Variants in ADCK2 observed in about 807,000 individuals in gnomAD.
The protein encoded by ADCK2 is aarF domain containing kinase 2.
Under a neutral mutation model 52.3 loss-of-function variants are expected in ADCK2, and 37 were observed. The observed-to-expected ratio is 0.71, with a 90% CI of 0.54 to 0.93. The LOEUF (loss-of-function observed/expected upper bound fraction) is 0.93, where lower values mean the gene tolerates loss of function less well. Ranked by LOEUF, ADCK2 falls within the 40% of genes least tolerant of loss-of-function variation. The pLI is 0.00. For missense variants in ADCK2, 695 were observed against 798.7 expected (o/e 0.87, Z 1.56); for synonymous variants, 321 against 349.2 (o/e 0.92, Z 0.90).
At chr7:140,685,871 C>T (rs1250203855) in intron 4 of ADCK2, among the ~76,000 whole-genome samples, 1 of 152,116 alleles carries the variant, frequency 6.6e-6, no homozygotes, top group Non-Finnish European at 1.5e-5. Flanking sequence ...GAAGCTGATT[C>T]CTGTTCCACA....
rs1008835211 is a variant in ADCK2, at chr7:140,694,999, G to A, written c.*196G>A. ...GCTTTGGGCCAATTAGGGAGTAAAA[G>A]GAGGGAAGGGGCCTATCCATTCCAT... is the stretch of plus-strand genomic sequence containing the variant. On this transcript the variant is annotated 3_prime_UTR_variant, in exon 8 of 8. Coordinates refer to ENST00000072869, the MANE Select transcript of ADCK2 (RefSeq NM_052853.4). 1 of 1,338,918 alleles carries A rather than the reference G, an allele frequency of 7.5e-7. No individual in the cohort carries two copies. The highest frequency in any genetic ancestry group is 9.5e-7 in the Non-Finnish European group (1 of 1,047,618). The allele number at this position is 1,338,918 out of a possible 1,614,324, so 82.9% of individuals were successfully genotyped here. A position where few individuals can be genotyped will look rare whatever the true frequency, so the allele number is the denominator to read the frequency against.
chr7:140,679,000 C>T lies in ADCK2; in HGVS notation c.1081-155C>T, dbSNP rs1279043695. 3.3e-5 allele frequency among the ~76,000 whole-genome samples: 5 copies of T among 152,132 alleles called. No homozygotes were observed. The highest frequency in any genetic ancestry group is 6.5e-5 in the Admixed American group (1 of 15,282). On this transcript the variant is annotated intron_variant, in intron 2 of 7. Coordinates refer to ENST00000072869, the MANE Select transcript of ADCK2 (RefSeq NM_052853.4). The surrounding 1 kb of genome is among the most constrained non-coding windows in gnomAD (Gnocchi z 4.9). ...GATTGCTGGGGCAGGCTGTAGCCCA[C>T]GGATGTCGCCTCCTGAGTTTCTGGG...
At chr7:140,694,547 A>G (rs1794762593) in intron 7 of ADCK2, 116 bp from the exon 8 acceptor site, 2 of 979,824 alleles carry the variant, frequency 2.0e-6, no homozygotes, top group East Asian at 2.5e-5. Context: ...GTAGATGGTA[A>G]ACATCCCGTG....
chr7:140,687,205 T>A lies in ADCK2; in HGVS notation c.1521T>A (p.Asn507Lys), dbSNP rs1228691411. The A allele has an allele frequency of 6.3e-7, 1 of 1,581,682 alleles. No homozygotes were observed. The highest frequency in any genetic ancestry group is 8.6e-7 in the Non-Finnish European group (1 of 1,162,312). Residue 507 changes from asparagine to lysine, a missense_variant, in exon 5 of 8, where the codon AAT (asparagine) becomes AAA (lysine). Transcript: ENST00000072869. ...AGCTGCAGGCCCCTGACCTGAGGAA[T>A]TTCCGGGCAGTTTTCATGGCTGTGG... The part of the protein sequence containing the change: ...VAELQAPDLR[N>K]FRAVFMAVVM...
Position 140,673,987 on chromosome 7 carries a change from C to T in ADCK2, c.657C>T (p.Ala219=). The change falls in exon 1 of 8, where the codon GCC becomes GCT. Residue 219 remains alanine, a synonymous_variant. Transcript: ENST00000072869. The surrounding 1 kb of genome is among the most constrained non-coding windows in gnomAD (Gnocchi z 6.4). ...TGGCCCAGGTGTACAAAGCATACGC[C>T]AACACTGCCTTCCTGGAGACTGACA... is the stretch of plus-strand genomic sequence containing the variant. The part of the protein sequence containing the change: ...GCVAQVYKAY[A]NTAFLETDSV... 1 of 1,614,070 alleles carries T rather than the reference C, an allele frequency of 6.2e-7. No homozygotes were observed. Among genetic ancestry groups the T allele is most frequent in the Middle Eastern group, 1.6e-4 (1 of 6,062 alleles).
intron 4 of ADCK2, among the ~76,000 whole-genome samples, 180 bp downstream of exon 4, chr7:140,681,317 CTTTTA>C (rs1212706991): frequency 2.0e-5 from 3 of 150,954 alleles, no homozygotes; most frequent in Non-Finnish European, 4.4e-5. Context: ...CTGTGAAGCT[CTTTTA>C]TTTTTTTTTT....
chr7:140,675,607 A>C (rs1210062062), intron 2 of ADCK2, among the ~76,000 whole-genome samples: 1 of 152,174 alleles, frequency 6.6e-6, no homozygotes, highest in Non-Finnish European at 1.5e-5. Flanking sequence ...GGCAAACATC[A>C]CTTCTTTCCT....
intron 2 of ADCK2, among the ~76,000 whole-genome samples, chr7:140,677,774 CT>C (rs1351761702): frequency 1.3e-5 from 2 of 152,164 alleles, no homozygotes; most frequent in African/African-American, 4.8e-5. Flanking sequence ...CAGAGGAGGA[CT>C]TGGTTGGTGT....
At chr7:140,676,258 C>T (rs573335967) in intron 2 of ADCK2, among the ~76,000 whole-genome samples, 25 of 152,226 alleles carry the variant, frequency 1.6e-4, no homozygotes, top group African/African-American at 5.8e-4. Context: ...TGTGTAAAGG[C>T]GCTGATTCAT....
At position 140,674,375 on chromosome 7, in the gene ADCK2, G is replaced by T; in HGVS notation, c.933+112G>T. On this transcript the variant is annotated intron_variant, in intron 1 of 7. Coordinates refer to ENST00000072869, the MANE Select transcript of ADCK2 (RefSeq NM_052853.4). This position sits in a 1 kb window ranked among gnomAD's most constrained non-coding sequence, Gnocchi z 4.6. ...ATTTCTATTTGCCTGACCAATATCT[G>T]AGTGCTTATTTCATGCAAGCTGTTT... The T allele has an allele frequency of 8.1e-7, 1 of 1,240,750 alleles. No individual in the cohort carries two copies. 76.9% of individuals were successfully genotyped at this position (1,240,750 alleles called of 1,614,324 possible).
chr7:140,687,944 CT>C (rs1483553657), intron 5 of ADCK2, among the ~76,000 whole-genome samples: 1 of 151,230 alleles, frequency 6.6e-6, no homozygotes, highest in African/African-American at 2.4e-5. Flanking sequence ...CGCAGGCTGC[CT>C]TGGCCTCAAG....
At position 140,673,204 on chromosome 7, in the gene ADCK2, C is replaced by T. The variant is rs1801660231; in HGVS notation, c.-127C>T. On this transcript the variant is annotated 5_prime_UTR_variant, in exon 1 of 8. Transcript: ENST00000072869. The surrounding 1 kb of genome is among the most constrained non-coding windows in gnomAD (Gnocchi z 6.4). ...GCGAGGTGCTGGAGGGAGCGGGGCGCGGATCCGGCCCAGATGGGCAGCTCC... is the reference window on the plus strand; with the variant it reads ...GCGAGGTGCTGGAGGGAGCGGGGCGTGGATCCGGCCCAGATGGGCAGCTCC... The T allele has an allele frequency of 1.5e-5, 11 of 737,116 alleles. No individual in the cohort carries two copies. Among genetic ancestry groups the T allele is most frequent in the South Asian group, 4.1e-5 (1 of 24,260 alleles). The allele number at this position is 737,116 out of a possible 1,614,324, so 45.7% of individuals were successfully genotyped here.
Position 140,674,338 on chromosome 7 carries a change from G to A in ADCK2, c.933+75G>A, listed in dbSNP as rs878898460. 7.0e-7 allele frequency: 1 copy of A among 1,436,112 alleles called. No individual in the cohort carries two copies. The highest frequency in any genetic ancestry group is 1.4e-5 in the South Asian group (1 of 73,784). 89.0% of individuals were successfully genotyped at this position (1,436,112 alleles called of 1,614,324 possible). A position where few individuals can be genotyped will look rare whatever the true frequency, so the allele number is the denominator to read the frequency against. On this transcript the variant is annotated intron_variant, in intron 1 of 7. Coordinates refer to ENST00000072869, the MANE Select transcript of ADCK2 (RefSeq NM_052853.4). The surrounding 1 kb of genome is among the most constrained non-coding windows in gnomAD (Gnocchi z 4.6). ...ATCAGAAACAACCGCCATGCAAATC[G>A]CCCCCACGTTTATTTCTATTTGCCT...
Position 140,673,828 on chromosome 7 carries a change from A to C in ADCK2, c.498A>C (p.Gln166His). ...TGTTTTCGGAGGCTTTCTGTGCCCA[A>C]TTTTCCAAGCTGCATGTCCGAGTGA... ...RDLFSEAFCAQFSKLHVRVTP... is the reference protein window; with the variant it reads ...RDLFSEAFCAHFSKLHVRVTP... The change falls in exon 1 of 8, where the codon CAA (glutamine) becomes CAC (histidine). Residue 166 changes from glutamine to histidine, a missense_variant. By Grantham distance (24) the Gln-to-His change is conservative. Coordinates refer to ENST00000072869, the MANE Select transcript of ADCK2 (RefSeq NM_052853.4). The surrounding 1 kb of genome is among the most constrained non-coding windows in gnomAD (Gnocchi z 6.4). 1 of 1,613,094 alleles carries C rather than the reference A, an allele frequency of 6.2e-7. No individual in the cohort carries two copies. The highest frequency in any genetic ancestry group is 8.5e-7 in the Non-Finnish European group (1 of 1,179,934).
At chr7:140,675,055 C>G (rs1016806354) in intron 2 of ADCK2, among the ~76,000 whole-genome samples, 1 of 152,046 alleles carries the variant, frequency 6.6e-6, no homozygotes, top group Admixed American at 6.6e-5. Flanking sequence ...TCAGCCTGGC[C>G]AACATGGTGT....
chr7:140,682,713 G>C (rs1794535844), intron 4 of ADCK2, among the ~76,000 whole-genome samples: 1 of 151,770 alleles, frequency 6.6e-6, no homozygotes, highest in South Asian at 2.1e-4. Context: ...GTTTTGGCTG[G>C]GTGCAGTGGC....
At chr7:140,681,263 T>G (rs1353058947) in intron 4 of ADCK2, 126 bp downstream of exon 4, 1 of 826,888 alleles carries the variant, frequency 1.2e-6, no homozygotes, top group Non-Finnish European at 2.0e-6. Flanking sequence ...GTTGAGAAAG[T>G]CTGGTCTAGA....
intron 2 of ADCK2, among the ~76,000 whole-genome samples, chr7:140,675,329 A>G (rs766236149): frequency 6.6e-6 from 1 of 152,222 alleles, no homozygotes; most frequent in Non-Finnish European, 1.5e-5. Context: ...TTAAAAACAG[A>G]GACAGGGTCT....
chr7:140,681,605 C>T (rs1206498816), intron 4 of ADCK2, among the ~76,000 whole-genome samples: 1 of 151,912 alleles, frequency 6.6e-6, no homozygotes, highest in Non-Finnish European at 1.5e-5. Flanking sequence ...CAGGTGTGAA[C>T]CACCACACCC....
Sources: allele counts gnomAD v4.1 joint callset (sites outside exome capture counted in the v4.1 genomes callset), GRCh38; gene constraint gnomAD v4.1.1; non-coding constraint Gnocchi (gnomAD v3.1); transcripts MANE v1.5; gene names NCBI Gene and HGNC (gene_info 2026-07-23, HGNC 2026-07-21).